FEZF1: variants seen among roughly 807,000 people sequenced by gnomAD.
The protein encoded by FEZF1 is FEZ family zinc finger 1.
Under a neutral mutation model 32.4 loss-of-function variants are expected in FEZF1, and 8 were observed. The ratio of observed to expected loss-of-function variants is 0.25; its 90% CI spans 0.15 to 0.45. The LOEUF is 0.45. Among genes scored for constraint, FEZF1 ranks in the 20% least tolerant of loss-of-function variants. The pLI is 1.00. For missense variants in FEZF1, 546 were observed against 622.3 expected (o/e 0.88, Z 1.31); for synonymous variants, 259 against 265.2 (o/e 0.98, Z 0.23).
intron 1 of FEZF1, chr7:122,309,944 A>G (rs1430255905): frequency 1.3e-5 from 2 of 152,376 alleles, no homozygotes; most frequent in East Asian, 3.9e-4. Flanking sequence ...AAGCAGACAC[A>G]CACACAAAAC....
At chr7:122,307,955 A>G (rs576420921), upstream of FEZF1, among the ~76,000 whole-genome samples, 2 of 152,376 alleles carry the variant, frequency 1.3e-5, no homozygotes, top group East Asian at 1.9e-4. Flanking sequence ...CAATCTGTCT[A>G]GTACTTTATT....
At chr7:122,309,230 T>G (rs951583974), upstream of FEZF1, among the ~76,000 whole-genome samples, 1 of 152,176 alleles carries the variant, frequency 6.6e-6, no homozygotes, top group Non-Finnish European at 1.5e-5. Flanking sequence ...AATAAAGAAT[T>G]TTTGCTAAGT....
chr7:122,303,736 G>A lies in FEZF1; in HGVS notation c.702C>T (p.Ala234=), dbSNP rs746627634. 1 of 1,614,194 alleles carries A rather than the reference G, an allele frequency of 6.2e-7. No homozygotes were observed. The highest frequency in any genetic ancestry group is 1.1e-5 in the South Asian group (1 of 91,092). Residue 234 remains alanine, a synonymous_variant, in exon 1 of 4, where the codon GCC becomes GCT. Coordinates refer to ENST00000442488, the MANE Select transcript of FEZF1 (RefSeq NM_001024613.4). The part of the protein sequence containing the change: ...AQLQHYMKES[A]QLLSEKIAFK... ...ACGCGATTTTTTCCGACAGAAGCTG[G>A]GCGCTTTCTTTCATGTAATGCTGCA...
chr7:122,308,681 T>A (rs1352412844), upstream of FEZF1: 1 of 152,240 alleles, frequency 6.6e-6, no homozygotes, highest in Non-Finnish European at 1.5e-5. Context: ...ATATTATAAC[T>A]AATTCCACTT....
At position 122,301,872 on chromosome 7, in the gene FEZF1, G is replaced by T; in HGVS notation, c.*125C>A. ...AGGCCAGGGGATGCAGAGGCTTCTG[G>T]TCGGCCCTGAAGTGTGGGGCCCAAC... On this transcript the variant is annotated 3_prime_UTR_variant, in exon 4 of 4. Coordinates refer to ENST00000442488, the MANE Select transcript of FEZF1 (RefSeq NM_001024613.4). 7.4e-7 allele frequency: 1 copy of T among 1,348,634 alleles called. No individual in the cohort carries two copies. The highest frequency in any genetic ancestry group is 9.9e-7 in the Non-Finnish European group (1 of 1,007,212). 83.5% of individuals were successfully genotyped at this position (1,348,634 alleles called of 1,614,324 possible).
In FEZF1 at chr7:122,304,523, G is replaced by C; in HGVS notation, c.-86C>G. 2 of 1,205,382 alleles carry C rather than the reference G, an allele frequency of 1.7e-6. No homozygotes were observed. The highest frequency in any genetic ancestry group is 2.3e-6 in the Non-Finnish European group (2 of 881,616). 74.7% of individuals were successfully genotyped at this position (1,205,382 alleles called of 1,614,324 possible). On this transcript the variant is annotated 5_prime_UTR_variant, in exon 1 of 4. Transcript: ENST00000442488. ...TGCTTGTCACAGACCTGCGGAGAGG[G>C]GGACGGGCACCATCACCACCAGTAG...
At position 122,303,472 on chromosome 7, in the gene FEZF1, G is replaced by GGGAAGGAA. The variant is rs1159831933; in HGVS notation, c.801+157_802-162dup. On this transcript the variant is annotated intron_variant, in intron 1 of 3. Transcript: ENST00000442488. ...GAGGAAGGAAAGGAGGAGCGAGGGA[G>GGGAAGGAA]GGAAGGAAGGAAGGAAGGAAGGAAG... 5.5e-3 allele frequency among the ~76,000 whole-genome samples: 447 copies of GGGAAGGAA among 81,998 alleles called. 4 individuals carry two copies. The highest frequency in any genetic ancestry group is 0.014 in the Middle Eastern group (2 of 148). The allele number at this position is 81,998 out of a possible 152,430, so 53.8% of individuals were successfully genotyped here. A position where few individuals can be genotyped will look rare whatever the true frequency, so the allele number is the denominator to read the frequency against.
chr7:122,302,886 T>A lies in FEZF1; in HGVS notation c.982A>T (p.Ser328Cys). 6.2e-7 allele frequency: 1 copy of A among 1,613,870 alleles called. No individual in the cohort carries two copies. The highest frequency in any genetic ancestry group is 1.6e-4 in the Middle Eastern group (1 of 6,062). ...CGGGTATGAGTGTTTAAAGTGGAAC[T>A]TCTATTAAATGCTTTGCCACACTGG... ...CNQCGKAFNR[S>C]STLNTHTRIH... Residue 328 changes from serine to cysteine, a missense_variant, in exon 3 of 4, where the codon AGT (serine) becomes TGT (cysteine). Around this residue, in one of 3 missense-constraint regions of FEZF1, gnomAD observed 118 missense variants for 188.7 expected, o/e 0.63. Coordinates refer to ENST00000442488, the MANE Select transcript of FEZF1 (RefSeq NM_001024613.4). This position sits in a 1 kb window ranked among gnomAD's most constrained non-coding sequence, Gnocchi z 4.4.
Position 122,301,535 on chromosome 7 carries a change from A to G in FEZF1, c.*462T>C, listed in dbSNP as rs1263000052. ...TGTTACTTCAGGGAAAGAGGAAATG[A>G]TCAACATCCAGCAGACATCTTGAGA... On this transcript the variant is annotated 3_prime_UTR_variant, in exon 4 of 4. Transcript: ENST00000442488. The G allele has an allele frequency of 6.4e-6, 1 of 155,770 alleles. No individual in the cohort carries two copies. Among genetic ancestry groups the G allele is most frequent in the Non-Finnish European group, 1.4e-5 (1 of 70,972 alleles). The allele number at this position is 155,770 out of a possible 1,614,324, so 9.6% of individuals were successfully genotyped here.
chr7:122,302,590 T>C lies in FEZF1; in HGVS notation c.1069+209A>G, dbSNP rs1225409440. Among the ~76,000 whole-genome samples the C allele has an allele frequency of 1.3e-5, 2 of 152,148 alleles. No individual in the cohort carries two copies. Among genetic ancestry groups the C allele is most frequent in the Admixed American group, 1.3e-4 (2 of 15,286 alleles). On this transcript the variant is annotated intron_variant, in intron 3 of 3. Coordinates refer to ENST00000442488, the MANE Select transcript of FEZF1 (RefSeq NM_001024613.4). This position sits in a 1 kb window ranked among gnomAD's most constrained non-coding sequence, Gnocchi z 4.4. ...ATACACATTTATCAGTCCAATTACA[T>C]ACAATGAGAGCATGCAGTTAAAACA...
In FEZF1 at chr7:122,301,933, G is replaced by A; in HGVS notation, c.*64C>T. The A allele has an allele frequency of 6.5e-7, 1 of 1,531,754 alleles. No homozygotes were observed. Among genetic ancestry groups the A allele is most frequent in the Non-Finnish European group, 8.7e-7 (1 of 1,152,316 alleles). The allele number at this position is 1,531,754 out of a possible 1,614,324, so 94.9% of individuals were successfully genotyped here. On this transcript the variant is annotated 3_prime_UTR_variant, in exon 4 of 4. Transcript: ENST00000442488. The stretch of plus-strand genomic sequence containing the variant: ...GTCTGCAGACGAACTCGGACCAGGA[G>A]CTCTAGTCTGCCGCTGCCTCAGCGT...
intron 1 of FEZF1, 26 bp downstream of exon 1, chr7:122,303,611 G>T (rs750955084): frequency 1.3e-6 from 2 of 1,582,790 alleles, no homozygotes; most frequent in Non-Finnish European, 1.7e-6. Flanking sequence ...GGGAAGGAAA[G>T]GATCTCCGTT....
At chr7:122,310,108 T>A (rs1181847881) in intron 1 of FEZF1, 1 of 152,216 alleles carries the variant, frequency 6.6e-6, no homozygotes, top group Non-Finnish European at 1.5e-5. Context: ...ACGAGCTTAG[T>A]GAAATGGAGA....
chr7:122,303,105 A>G, intron 2 of FEZF1, 72 bp downstream of exon 2: 1 of 1,601,802 alleles, frequency 6.2e-7, no homozygotes, highest in South Asian at 1.1e-5. Flanking sequence ...CCTAAAGAGT[A>G]AGGTTTTATC....
At position 122,303,917 on chromosome 7, in the gene FEZF1, G is replaced by A; in HGVS notation, c.521C>T (p.Ala174Val). 1.2e-6 allele frequency: 2 copies of A among 1,612,456 alleles called. No individual in the cohort carries two copies. Among genetic ancestry groups the A allele is most frequent in the South Asian group, 2.2e-5 (2 of 90,876 alleles). The change falls in exon 1 of 4, where the codon GCC (alanine) becomes GTC (valine). Residue 174 changes from alanine (A) to valine (V), a missense_variant. This residue lies in a region of FEZF1 where 345 missense variants were observed against 360.6 expected (regional missense o/e 0.96). Transcript: ENST00000442488. ...NRGDGPCHPA[A>V]GVNIHPVASY... ...GGCCACCGGGTGGATGTTCACGCCG[G>A]CTGCCGGGTGGCATGGGCCGTCACC...
chr7:122,308,107 G>A (rs981946361), upstream of FEZF1, among the ~76,000 whole-genome samples: 6 of 152,258 alleles, frequency 3.9e-5, no homozygotes, highest in East Asian at 1.2e-3. Flanking sequence ...TTTGTTAATG[G>A]CAAAATAGAA....
chr7:122,304,530 G>C lies in FEZF1; in HGVS notation c.-93C>G. ...CACAGACCTGCGGAGAGGGGGACGG[G>C]CACCATCACCACCAGTAGCCTCCTC... is the stretch of plus-strand genomic sequence containing the variant. On this transcript the variant is annotated 5_prime_UTR_variant, in exon 1 of 4. Coordinates refer to ENST00000442488, the MANE Select transcript of FEZF1 (RefSeq NM_001024613.4). 9.1e-7 allele frequency: 1 copy of C among 1,103,892 alleles called. No homozygotes were observed. The highest frequency in any genetic ancestry group is 1.3e-6 in the Non-Finnish European group (1 of 794,286). 68.4% of individuals were successfully genotyped at this position (1,103,892 alleles called of 1,614,324 possible).
In FEZF1 at chr7:122,302,003, G is replaced by A. The variant is rs754661273; in HGVS notation, c.1422C>T (p.His474=). The change falls in exon 4 of 4, where the codon CAC becomes CAT. Residue 474 remains histidine, a synonymous_variant. Transcript: ENST00000442488. The surrounding 1 kb of genome is among the most constrained non-coding windows in gnomAD (Gnocchi z 4.4). ...GGAGGACCCTTAGCCTCGATCACTG[G>A]TGGCCCTGGTGGAGCCCGGGCTGCA... ...GPLQPGLHQG[H]Q The A allele has an allele frequency of 3.8e-5, 60 of 1,589,658 alleles. No homozygotes were observed. The highest frequency in any genetic ancestry group is 5.0e-5 in the Non-Finnish European group (59 of 1,176,548).
In FEZF1 at chr7:122,302,054, C is replaced by T; in HGVS notation, c.1371G>A (p.Gln457=). ...QQPPMTLPPL[Q]PPLPTPGPLQ... is the part of the protein sequence containing the mutation. ...GGGGCCCCGGGGTTGGCAGCGGCGG[C>T]TGCAGAGGAGGCAGCGTCATCGGCG... Residue 457 remains glutamine (Q), a synonymous_variant, in exon 4 of 4, where the codon CAG becomes CAA. Coordinates refer to ENST00000442488, the MANE Select transcript of FEZF1 (RefSeq NM_001024613.4). The surrounding 1 kb of genome is among the most constrained non-coding windows in gnomAD (Gnocchi z 4.4). The T allele has an allele frequency of 6.2e-7, 1 of 1,604,738 alleles. No homozygotes were observed. The highest frequency in any genetic ancestry group is 8.5e-7 in the Non-Finnish European group (1 of 1,178,530).
Sources: gnomAD v4.1 joint callset for allele counts (sites outside exome capture counted in the v4.1 genomes callset) on GRCh38, gnomAD v4.1.1 for gene constraint, gnomAD v4.1.1 regional missense constraint, Gnocchi (gnomAD v3.1) non-coding constraint, MANE v1.5 for transcripts, NCBI Gene and HGNC (gene_info 2026-07-23, HGNC 2026-07-21) for gene names.